The following METTL15 variants were observed in gnomAD, a reference collection of about 807,000 sequenced individuals.
The protein encoded by METTL15 is methyltransferase 15, mitochondrial 12S rRNA N4-cytidine.
A neutral mutation model predicts 38.3 loss-of-function variants in METTL15; 34 were observed. The observed-to-expected ratio is 0.89, with a 90% CI of 0.68 to 1.18. The LOEUF is 1.18. Ranked by LOEUF, METTL15 falls within the 50% of genes most tolerant of loss-of-function variation. The pLI is 0.00. For synonymous variants in METTL15, 162 were observed against 170.9 expected, an observed-to-expected ratio of 0.95 and a Z score of 0.41; for missense variants, 438 against 498.4, an observed-to-expected ratio of 0.88 and a Z score of 1.15.
chr11:28,319,087 A>C (rs1849371415), intron 6 of METTL15, among the ~76,000 whole-genome samples: 1 of 152,288 alleles, frequency 6.6e-6, no homozygotes, highest in East Asian at 1.9e-4. Context: ...GACAATGCAC[A>C]TCTCCCCAAG....
intron 4 of METTL15, among the ~76,000 whole-genome samples, chr11:28,267,784 C>T (rs994487056): frequency 6.6e-6 from 1 of 152,210 alleles, no homozygotes; most frequent in Admixed American, 6.5e-5. Context: ...ACATATACAT[C>T]TCCTGCTCCT....
At chr11:28,154,086 A>G (rs549335856) in intron 3 of METTL15, among the ~76,000 whole-genome samples, 3 of 152,252 alleles carry the variant, frequency 2.0e-5, no homozygotes, top group Admixed American at 1.3e-4. Flanking sequence ...TGTGTAACTC[A>G]TAAGTGCAAA....
At chr11:28,425,652 C>G (rs1482364119) in intron 6 of METTL15, among the ~76,000 whole-genome samples, 1 of 152,166 alleles carries the variant, frequency 6.6e-6, no homozygotes, top group African/African-American at 2.4e-5. Flanking sequence ...ATAGCACCCG[C>G]TAGCCTCCTA....
chr11:28,295,402 A>G (rs1480684988), intron 5 of METTL15, among the ~76,000 whole-genome samples: 1 of 152,080 alleles, frequency 6.6e-6, no homozygotes, highest in Non-Finnish European at 1.5e-5. Context: ...CTGGCAGCCT[A>G]CTGAGATAGA....
intron 3 of METTL15, among the ~76,000 whole-genome samples, chr11:28,175,434 A>G (rs1189845324): frequency 2.6e-5 from 4 of 152,174 alleles, no homozygotes; most frequent in African/African-American, 9.7e-5. Flanking sequence ...TTATAGCAGC[A>G]TGATTTATAA....
intron 6 of METTL15, among the ~76,000 whole-genome samples, chr11:28,314,347 A>G (rs1857406778): frequency 6.6e-6 from 1 of 152,196 alleles, no homozygotes; most frequent in Admixed American, 6.5e-5. Flanking sequence ...GAGTGCAAGG[A>G]TTGATTATGA....
At chr11:28,487,848 A>G (rs1318960276) in intron 6 of METTL15, among the ~76,000 whole-genome samples, 1 of 152,138 alleles carries the variant, frequency 6.6e-6, no homozygotes, top group Non-Finnish European at 1.5e-5. Context: ...TGTTTTCATG[A>G]ATCTATAGTT....
intron 1 of METTL15, among the ~76,000 whole-genome samples, chr11:28,109,056 T>C (rs1460350349): frequency 1.3e-5 from 2 of 152,208 alleles, no homozygotes; most frequent in Non-Finnish European, 2.9e-5. Context: ...ATCAAACTCT[T>C]CCCTCTTGGA....
At position 28,155,258 on chromosome 11, in the gene METTL15, T is replaced by C. The variant is rs545346469; in HGVS notation, c.270+41654T>C. Among the ~76,000 whole-genome samples, 5 of 152,296 alleles carry C rather than the reference T, an allele frequency of 3.3e-5. No individual in the cohort carries two copies. The South Asian group carries it at 6.2e-4, about 19-fold the overall frequency. ...AGAATGTAATGCTCTCCAATAGGAATATGGCATTGGTTCTTTAACTAGTTT... is the reference window on the plus strand; with the variant it reads ...AGAATGTAATGCTCTCCAATAGGAACATGGCATTGGTTCTTTAACTAGTTT... On this transcript the variant is annotated intron_variant, in intron 3 of 6. Coordinates refer to ENST00000407364, the MANE Select transcript of METTL15 (RefSeq NM_001113528.2).
intron 6 of METTL15, among the ~76,000 whole-genome samples, chr11:28,451,444 G>T (rs988454358): frequency 2.6e-5 from 4 of 152,006 alleles, no homozygotes; most frequent in Admixed American, 6.6e-5. Context: ...AATTAGCCAG[G>T]CGTGGTGGCG....
rs555250205 is a variant in METTL15, at chr11:28,139,191, G to A, written c.270+25587G>A. On this transcript the variant is annotated intron_variant, in intron 3 of 6. Coordinates refer to ENST00000407364, the MANE Select transcript of METTL15 (RefSeq NM_001113528.2). ...CCTACTTTGGGGGATATATCTGAGG[G>A]GAGTGTCCTGTGGTATGGGGACACA... Among the ~76,000 whole-genome samples, 15 of 152,200 alleles carry A rather than the reference G, an allele frequency of 9.9e-5. No homozygotes were observed. In the South Asian group the frequency reaches 3.1e-3, roughly 32 times the overall value.
chr11:28,113,739 A>G, intron 3 of METTL15, 135 bp downstream of exon 3: 1 of 862,166 alleles, frequency 1.2e-6, no homozygotes, highest in Non-Finnish European at 1.8e-6. Context: ...GGTTGATGCG[A>G]AAGTGATACA....
At chr11:28,204,459 T>A (rs397847921) in intron 3 of METTL15, among the ~76,000 whole-genome samples, 1 of 147,934 alleles carries the variant, frequency 6.8e-6, no homozygotes, top group East Asian at 2.0e-4. Flanking sequence ...TTTTTTTTTT[T>A]TTGTAAAAAG....
At chr11:28,509,022 T>A (rs1851653347) in intron 6 of METTL15, among the ~76,000 whole-genome samples, 1 of 152,210 alleles carries the variant, frequency 6.6e-6, no homozygotes, top group Non-Finnish European at 1.5e-5. Context: ...TGTCTAAATT[T>A]CCTGGGCCTC....
chr11:28,238,656 C>T (rs996415290), intron 4 of METTL15, among the ~76,000 whole-genome samples: 5 of 152,320 alleles, frequency 3.3e-5, no homozygotes, highest in Middle Eastern at 3.4e-3. Context: ...GAGATGAACC[C>T]GGTACCTCAG....
intron 2 of METTL15, among the ~76,000 whole-genome samples, chr11:28,111,958 T>C (rs1590730955): frequency 6.7e-6 from 1 of 149,024 alleles, no homozygotes; most frequent in African/African-American, 2.5e-5. Flanking sequence ...GATCACTCAT[T>C]CCCCCCCCCA....
At chr11:28,398,548 A>C (rs904185190) in intron 5 of METTL15, among the ~76,000 whole-genome samples, 8 of 152,020 alleles carry the variant, frequency 5.3e-5, no homozygotes, top group African/African-American at 1.9e-4. Context: ...AATTTGTTTA[A>C]GTTCTTTGTA....
chr11:28,383,483 A>T (rs1212818041), intron 5 of METTL15, among the ~76,000 whole-genome samples: 2 of 152,182 alleles, frequency 1.3e-5, no homozygotes, highest in Non-Finnish European at 2.9e-5. Context: ...TATATAACCA[A>T]TAATAGTATT....
chr11:28,197,284 A>T (rs1375807457), intron 3 of METTL15, among the ~76,000 whole-genome samples: 1 of 151,896 alleles, frequency 6.6e-6, no homozygotes, highest in Non-Finnish European at 1.5e-5. Context: ...ATTACTGTTT[A>T]TTCAAATTCA....
Sources: allele counts gnomAD v4.1 joint callset (sites outside exome capture counted in the v4.1 genomes callset), GRCh38; gene constraint gnomAD v4.1.1; transcripts MANE v1.5; gene names NCBI Gene and HGNC (gene_info 2026-07-23, HGNC 2026-07-21).